Variants in RAB31 observed in about 807,000 individuals in gnomAD.
The protein encoded by RAB31 is ras-related protein Rab-31.
Under a neutral mutation model 25.6 loss-of-function variants are expected in RAB31, and 21 were observed. The ratio of observed to expected loss-of-function variants is 0.82; its 90% CI spans 0.58 to 1.18. The LOEUF is 1.18. RAB31 is among the 50% of genes most tolerant of loss of function. The pLI is 0.00. For missense variants in RAB31, 196 were observed against 250.1 expected (o/e 0.78, Z 1.46); for synonymous variants, 87 against 84.0 (o/e 1.04, Z -0.20).
intron 2 of RAB31, among the ~76,000 whole-genome samples, chr18:9,783,370 G>GT (rs2068415209): frequency 2.6e-5 from 4 of 152,154 alleles, no homozygotes; most frequent in South Asian, 4.1e-4. Flanking sequence ...TGGGATTTTG[G>GT]TTCCCCCCCC....
chr18:9,767,765 A>G (rs986349747), intron 1 of RAB31, among the ~76,000 whole-genome samples: 3 of 152,024 alleles, frequency 2.0e-5, no homozygotes, highest in African/African-American at 7.3e-5. Context: ...ACATGTGCAG[A>G]ACGTGCAGAT....
chr18:9,717,755 C>T (rs1360128650), intron 1 of RAB31, among the ~76,000 whole-genome samples: 1 of 152,150 alleles, frequency 6.6e-6, no homozygotes, highest in Non-Finnish European at 1.5e-5. Context: ...TGTGGAGTAT[C>T]ACATAAAATT....
intron 5 of RAB31, among the ~76,000 whole-genome samples, chr18:9,820,807 T>C (rs983492134): frequency 2.0e-5 from 3 of 152,082 alleles, no homozygotes; most frequent in African/African-American, 7.2e-5. Context: ...TTCAGTCTAG[T>C]CGATAGTTTG....
chr18:9,713,332 G>A lies in RAB31; in HGVS notation c.39+4888G>A, dbSNP rs930289032. 5.3e-5 allele frequency among the ~76,000 whole-genome samples: 8 copies of A among 152,104 alleles called. No homozygotes were observed. The East Asian group carries it at 5.8e-4, about 11-fold the overall frequency. Reference sequence around the variant, plus strand: ...GGGGGATGGTGGGGAGGGTTGAGTGGCTAGCCACAGCATTTATTTCTTGGC... The same window carrying A: ...GGGGGATGGTGGGGAGGGTTGAGTGACTAGCCACAGCATTTATTTCTTGGC... On this transcript the variant is annotated intron_variant, in intron 1 of 6. Transcript: ENST00000578921.
At chr18:9,851,096 T>C (rs1299396841) in intron 6 of RAB31, among the ~76,000 whole-genome samples, 1 of 152,166 alleles carries the variant, frequency 6.6e-6, no homozygotes, top group African/African-American at 2.4e-5. Context: ...TTGCAGATTT[T>C]ATAATAGTCA....
At chr18:9,738,982 CTGTACATT>C (rs1311352085) in intron 1 of RAB31, among the ~76,000 whole-genome samples, 2 of 152,178 alleles carry the variant, frequency 1.3e-5, no homozygotes, top group African/African-American at 4.8e-5. Context: ...GGAAAACCTC[CTGTACATT>C]TGGTCACAGA....
intron 1 of RAB31, among the ~76,000 whole-genome samples, chr18:9,747,411 A>T (rs987262028): frequency 6.6e-6 from 1 of 152,224 alleles, no homozygotes; most frequent in Admixed American, 6.5e-5. Flanking sequence ...AACTGAAAAG[A>T]GGTACTCAAA....
intron 1 of RAB31, among the ~76,000 whole-genome samples, chr18:9,738,091 G>A (rs143398385): frequency 7.0e-4 from 107 of 152,294 alleles, no homozygotes; most frequent in African/African-American, 2.6e-3. Flanking sequence ...GGAAGGCAGC[G>A]GTGCAAGCAC....
At chr18:9,771,290 G>A (rs2068343729) in intron 1 of RAB31, among the ~76,000 whole-genome samples, 1 of 152,214 alleles carries the variant, frequency 6.6e-6, no homozygotes, top group Non-Finnish European at 1.5e-5. Flanking sequence ...AACCAGCTAT[G>A]TGACCTTGAG....
At chr18:9,798,484 G>A (rs1013655457) in intron 3 of RAB31, among the ~76,000 whole-genome samples, 3 of 152,112 alleles carry the variant, frequency 2.0e-5, no homozygotes, top group East Asian at 1.9e-4. Flanking sequence ...TTGGAGTCCC[G>A]TGAATTTTAT....
At chr18:9,827,480 C>T (rs1204771744) in intron 5 of RAB31, among the ~76,000 whole-genome samples, 2 of 152,132 alleles carry the variant, frequency 1.3e-5, no homozygotes, top group African/African-American at 4.8e-5. Flanking sequence ...CCTAAGATTC[C>T]TCCTACCCTC....
chr18:9,806,760 G>A lies in RAB31; in HGVS notation c.202-7260G>A, dbSNP rs574749176. The stretch of plus-strand genomic sequence containing the variant: ...GTATTTGCTTCAAAAGACTCCAGGG[G>A]GTAGGAATGGAGCGGGAGGTGAGAC... On this transcript the variant is annotated intron_variant, in intron 3 of 6. Coordinates refer to ENST00000578921, the MANE Select transcript of RAB31 (RefSeq NM_006868.4). 2.0e-5 allele frequency among the ~76,000 whole-genome samples: 3 copies of A among 152,326 alleles called. 1 individual carries two copies. Among genetic ancestry groups the A allele is most frequent in the Admixed American group, 2.0e-4 (3 of 15,306 alleles).
At chr18:9,719,115 C>T (rs1445830042) in intron 1 of RAB31, among the ~76,000 whole-genome samples, 1 of 150,188 alleles carries the variant, frequency 6.7e-6, no homozygotes, top group Non-Finnish European at 1.5e-5. Flanking sequence ...GCTAAAAATA[C>T]AAAAATTAGC....
chr18:9,762,054 T>TCG (rs2068291871), intron 1 of RAB31, among the ~76,000 whole-genome samples: 1 of 152,140 alleles, frequency 6.6e-6, no homozygotes, highest in African/African-American at 2.4e-5. Context: ...GTGATCCACC[T>TCG]GCCTCGGCCT....
At chr18:9,839,297 G>C (rs1457426980) in intron 5 of RAB31, among the ~76,000 whole-genome samples, 3 of 152,208 alleles carry the variant, frequency 2.0e-5, no homozygotes, top group Non-Finnish European at 4.4e-5. Flanking sequence ...TAAAATGGCT[G>C]TGGCTTCGGG....
chr18:9,724,433 A>G (rs2068088265), intron 1 of RAB31, among the ~76,000 whole-genome samples: 1 of 152,206 alleles, frequency 6.6e-6, no homozygotes, highest in Non-Finnish European at 1.5e-5. Context: ...CTGTTGTGTC[A>G]CAAATAACCA....
chr18:9,718,925 A>G (rs987663890), intron 1 of RAB31, among the ~76,000 whole-genome samples: 10 of 151,932 alleles, frequency 6.6e-5, no homozygotes, highest in Non-Finnish European at 1.3e-4. Context: ...CAACATACAA[A>G]TTTTGGGGAT....
chr18:9,747,147 G>A (rs1407786388), intron 1 of RAB31, among the ~76,000 whole-genome samples: 1 of 152,110 alleles, frequency 6.6e-6, no homozygotes, highest in African/African-American at 2.4e-5. Flanking sequence ...TGGCCAAGAA[G>A]CACATAAAAA....
At chr18:9,748,362 C>T (rs2068216074) in intron 1 of RAB31, among the ~76,000 whole-genome samples, 1 of 151,568 alleles carries the variant, frequency 6.6e-6, no homozygotes, top group Non-Finnish European at 1.5e-5. Flanking sequence ...AATAATTAGC[C>T]AGGCATGGTG....
Sources: gnomAD v4.1 joint callset for allele counts (sites outside exome capture counted in the v4.1 genomes callset) on GRCh38, gnomAD v4.1.1 for gene constraint, MANE v1.5 for transcripts, NCBI Gene and HGNC (gene_info 2026-07-23, HGNC 2026-07-21) for gene names.